SUPT6H: variants seen among roughly 807,000 people sequenced by gnomAD.
SUPT6H encodes the protein SPT6 homolog, histone chaperone and transcription elongation factor.
In SUPT6H, 11 loss-of-function variants were observed where a neutral mutation model predicts 222.3. The observed-to-expected ratio is 0.05, with a 90% CI of 0.03 to 0.08. The LOEUF is 0.08. SUPT6H is among the 10% of genes least tolerant of loss of function. The pLI is 1.00. For missense variants in SUPT6H, 1,422 were observed against 2,216.0 expected (o/e 0.64, Z 7.19); for synonymous variants, 762 against 801.2 (o/e 0.95, Z 0.83).
chr17:28,666,131 A>G (rs1370117957), intron 1 of SUPT6H, among the ~76,000 whole-genome samples: 2 of 152,200 alleles, frequency 1.3e-5, no homozygotes, highest in African/African-American at 2.4e-5. Flanking sequence ...TCTCCAAAGA[A>G]GCCAGCTCCT....
chr17:28,673,150 CAAAA>C (rs568444024), intron 1 of SUPT6H, among the ~76,000 whole-genome samples: 5 of 81,812 alleles, frequency 6.1e-5, no homozygotes, highest in African/African-American at 1.8e-4. Context: ...GACGCCACCT[CAAAA>C]AAAAAAAAAA....
rs749059738 is a variant in SUPT6H at position 28,674,284 on chromosome 17, TGAGGAG to T, written c.124_129del (p.Glu42_Glu43del). ...GCCTCAAACATGCATGTCTTCCAGATGAGGAGGAGGAGGAGGAGAACCTAGATGATC... is the reference window on the plus strand; with the variant it reads ...GCCTCAAACATGCATGTCTTCCAGATGAGGAGGAGGAGAACCTAGATGATC... On this transcript the variant is annotated inframe_deletion and splice_region_variant, in exon 3 of 37. Transcript: ENST00000314616. 2.5e-5 allele frequency: 41 copies of T among 1,612,878 alleles called. No homozygotes were observed. In the African/African-American group the frequency reaches 4.8e-4, roughly 19 times the overall value.
At position 28,701,062 on chromosome 17, in the gene SUPT6H, C is replaced by T. The variant is rs550351192; in HGVS notation, c.4928C>T (p.Thr1643Ile). 1.2e-6 allele frequency: 2 copies of T among 1,614,094 alleles called. No individual in the cohort carries two copies. Among genetic ancestry groups the T allele is most frequent in the South Asian group, 2.2e-5 (2 of 91,080 alleles). ...TACCACCAGCTCCAGGCCAGCACCA[C>T]CCCACAGTCGGCCCAGGCCCAGCCC... ...PQYHQLQAST[T>I]PQSAQAQPQP... is the part of the protein sequence containing the mutation. The change falls in exon 36 of 37, where the codon ACC becomes ATC. Residue 1643 changes from threonine (T) to isoleucine (I), a missense_variant. Transcript: ENST00000314616.
intron 1 of SUPT6H, among the ~76,000 whole-genome samples, chr17:28,672,407 CTTTTCTTTTT>C (rs1226285420): frequency 1.3e-5 from 2 of 151,368 alleles, no homozygotes; most frequent in Non-Finnish European, 2.9e-5. Flanking sequence ...TTCTTTTTTT[CTTTTCTTTTT>C]TTTTCTTTTT....
intron 27 of SUPT6H, 116 bp downstream of exon 27, chr17:28,691,179 C>T: frequency 7.4e-7 from 1 of 1,356,902 alleles, no homozygotes; most frequent in Admixed American, 2.1e-5. Flanking sequence ...AACAAGTACA[C>T]AAAGAAGGAA....
chr17:28,692,357 G>A (rs1360109111), intron 27 of SUPT6H, among the ~76,000 whole-genome samples: 1 of 146,392 alleles, frequency 6.8e-6, no homozygotes, highest in Non-Finnish European at 1.5e-5. Context: ...GCCAGGCCGG[G>A]CACAGTGGCT....
At chr17:28,676,695 G>A (rs2151621066) in intron 7 of SUPT6H, among the ~76,000 whole-genome samples, 1 of 152,282 alleles carries the variant, frequency 6.6e-6, no homozygotes, top group East Asian at 1.9e-4. Context: ...AGGAGGCCAG[G>A]GTGGCAGATT....
chr17:28,701,036 G>T lies in SUPT6H; in HGVS notation c.4902G>T (p.Gln1634His). The T allele has an allele frequency of 1.2e-6, 2 of 1,614,082 alleles. No individual in the cohort carries two copies. Among genetic ancestry groups the T allele is most frequent in the Non-Finnish European group, 1.7e-6 (2 of 1,179,996 alleles). The change falls in exon 36 of 37, where the codon CAG (glutamine) becomes CAT (histidine). Residue 1634 changes from glutamine to histidine, a missense_variant. Around this residue, in one of 13 missense-constraint regions of SUPT6H, gnomAD observed 395 missense variants for 580.6 expected, o/e 0.68. Transcript: ENST00000314616. ...CAAGCCAGCCCATCACCACCCCTCA[G>T]TACCACCAGCTCCAGGCCAGCACCA... ...TTPSQPITTPQYHQLQASTTP... is the reference protein window; with the variant it reads ...TTPSQPITTPHYHQLQASTTP...
At chr17:28,669,296 A>G (rs543745792) in intron 1 of SUPT6H, among the ~76,000 whole-genome samples, 6 of 152,158 alleles carry the variant, frequency 3.9e-5, no homozygotes, top group South Asian at 2.1e-4. Flanking sequence ...GGTTCAAGCA[A>G]TTCTCCTGCT....
rs759834626 is a variant in SUPT6H, at chr17:28,690,114, C to T, written c.3375C>T (p.Asp1125=). 1 of 1,613,300 alleles carries T rather than the reference C, an allele frequency of 6.2e-7. No homozygotes were observed. Among genetic ancestry groups the T allele is most frequent in the Admixed American group, 1.7e-5 (1 of 60,014 alleles). ...GTGACAAACACATCACACTCTATGA[C>T]ATCCGGGCAGAGCTGAGCTGTCGAT... ...GYGDKHITLY[D]IRAELSCRYK... The change falls in exon 26 of 37, where the codon GAC becomes GAT. Residue 1125 remains aspartate, a synonymous_variant. Transcript: ENST00000314616.
rs1597707870 is a variant in SUPT6H at position 28,686,517 on chromosome 17, G to T, written c.2564+102G>T. The T allele has an allele frequency of 2.0e-6, 3 of 1,532,294 alleles. No homozygotes were observed. In the African/African-American group the frequency reaches 4.1e-5, roughly 21 times the overall value. The allele number at this position is 1,532,294 out of a possible 1,614,324, so 94.9% of individuals were successfully genotyped here. ...CATAACAGATGGGGCTTGTGCTTGTGCAGGGAGTGTCCCTGGGGATGTTTG... is the reference window on the plus strand; with the variant it reads ...CATAACAGATGGGGCTTGTGCTTGTTCAGGGAGTGTCCCTGGGGATGTTTG... On this transcript the variant is annotated intron_variant, in intron 20 of 36. Coordinates refer to ENST00000314616, the MANE Select transcript of SUPT6H (RefSeq NM_003170.5).
At chr17:28,700,902 C>T in intron 35 of SUPT6H, 39 bp from the exon 36 acceptor site, 1 of 1,577,462 alleles carries the variant, frequency 6.3e-7, no homozygotes, top group Non-Finnish European at 8.7e-7. Context: ...CCAAACAAGC[C>T]CCACACCCAT....
rs946204372 is a variant in SUPT6H at position 28,687,411 on chromosome 17, C to G, written c.2946C>G (p.Ser982Arg). 2.5e-6 allele frequency: 4 copies of G among 1,614,188 alleles called. No homozygotes were observed. Among genetic ancestry groups the G allele is most frequent in the Non-Finnish European group, 3.4e-6 (4 of 1,180,038 alleles). ...DVNRAIAHPY[S>R]QALIQYVCGL... ...ACCGTGCCATTGCCCACCCTTACAGCCAGGCCTTGATCCAGTATGTTTGTG... is the reference window on the plus strand; with the variant it reads ...ACCGTGCCATTGCCCACCCTTACAGGCAGGCCTTGATCCAGTATGTTTGTG... The change falls in exon 23 of 37, where the codon AGC (serine) becomes AGG (arginine). Residue 982 changes from serine (S) to arginine (R), a missense_variant. Physicochemically the swap from Ser to Arg is moderately radical, Grantham distance 110. Coordinates refer to ENST00000314616, the MANE Select transcript of SUPT6H (RefSeq NM_003170.5).
In SUPT6H at chr17:28,678,644, A is replaced by G. The variant is rs2030901769; in HGVS notation, c.1206+10A>G. On this transcript the variant is annotated intron_variant, in intron 10 of 36. Coordinates refer to ENST00000314616, the MANE Select transcript of SUPT6H (RefSeq NM_003170.5). ...GCAGTGGGATGAAAAGGTAATGTAG[A>G]TCCGTGGCCCCCAAGAGGTGTGGGC... 5 of 1,613,794 alleles carry G rather than the reference A, an allele frequency of 3.1e-6. No homozygotes were observed. Among genetic ancestry groups the G allele is most frequent in the African/African-American group, 2.7e-5 (2 of 74,870 alleles).
intron 1 of SUPT6H, among the ~76,000 whole-genome samples, chr17:28,663,828 A>ATTTTTTTCTTTTTTTTTTTTTTTTTTTT (rs2072114066): frequency 2.6e-5 from 1 of 38,374 alleles, no homozygotes; most frequent in Non-Finnish European, 4.7e-5. Context: ...TGCCCACTCC[A>ATTTTTTTCTTTTTTTTTTTTTTTTTTTT]TTTTTTTTTT....
chr17:28,693,567 A>G (rs2031772213), intron 27 of SUPT6H, 129 bp from the exon 28 acceptor site: 4 of 1,119,230 alleles, frequency 3.6e-6, no homozygotes, highest in Non-Finnish European at 5.2e-6. Flanking sequence ...TGACTAAGTC[A>G]TTGTGTTTTC....
chr17:28,681,832 G>T, intron 12 of SUPT6H, 50 bp from the exon 13 acceptor site: 1 of 1,510,208 alleles, frequency 6.6e-7, no homozygotes, highest in East Asian at 2.3e-5. Context: ...TCAGATCCTT[G>T]GGAGTGATTG....
intron 7 of SUPT6H, among the ~76,000 whole-genome samples, chr17:28,676,711 A>G (rs558055593): frequency 9.7e-4 from 147 of 152,262 alleles, no homozygotes; most frequent in Middle Eastern, 3.4e-3. Flanking sequence ...AGATTGCTTG[A>G]GTCCAGGAAC....
intron 29 of SUPT6H, 72 bp from the exon 30 acceptor site, chr17:28,696,772 G>T: frequency 7.4e-7 from 1 of 1,350,440 alleles, no homozygotes; most frequent in Non-Finnish European, 1.1e-6. Context: ...AGAAATGAAG[G>T]CCTGGTTTGT....
Sources: allele counts gnomAD v4.1 joint callset (sites outside exome capture counted in the v4.1 genomes callset), GRCh38; gene constraint gnomAD v4.1.1; regional missense constraint gnomAD v4.1.1; transcripts MANE v1.5; gene names NCBI Gene and HGNC (gene_info 2026-07-23, HGNC 2026-07-21).